SUMF1: variants seen among roughly 807,000 people sequenced by gnomAD.
SUMF1 encodes the protein formylglycine-generating enzyme.
Under a neutral mutation model 47.6 loss-of-function variants are expected in SUMF1, and 48 were observed. The ratio of observed to expected loss-of-function variants is 1.01; its 90% CI spans 0.80 to 1.28. The LOEUF is 1.28. Ranked by LOEUF, SUMF1 falls within the 50% of genes most tolerant of loss-of-function variation. The pLI is 0.00. For synonymous variants in SUMF1, 230 were observed against 192.1 expected, an observed-to-expected ratio of 1.20 and a Z score of -1.63; for missense variants, 571 against 485.4, an observed-to-expected ratio of 1.18 and a Z score of -1.66.
chr3:4,058,916 T>C (rs1445482556), intron 9 of SUMF1, among the ~76,000 whole-genome samples: 1 of 152,122 alleles, frequency 6.6e-6, no homozygotes, highest in Non-Finnish European at 1.5e-5. Context: ...GGAGGCTTTG[T>C]TGGAAACCAA....
intron 3 of SUMF1, among the ~76,000 whole-genome samples, chr3:4,437,914 G>A (rs1212446877): frequency 6.6e-6 from 1 of 151,886 alleles, no homozygotes; most frequent in African/African-American, 2.4e-5. Flanking sequence ...GCTCCAGCCT[G>A]GGCAACAGGG....
At chr3:4,243,544 T>TTG (rs534148706) in intron 8 of SUMF1, among the ~76,000 whole-genome samples, 89 of 152,340 alleles carry the variant, frequency 5.8e-4, no homozygotes, top group African/African-American at 2.0e-3. Context: ...GGGAGCCAGT[T>TTG]GTTCAGTTTC....
intron 8 of SUMF1, among the ~76,000 whole-genome samples, chr3:4,092,650 T>C (rs1692813714): frequency 6.6e-6 from 1 of 152,134 alleles, no homozygotes; most frequent in Non-Finnish European, 1.5e-5. Context: ...ACCAACTACT[T>C]ATAGTATAAA....
intron 3 of SUMF1, among the ~76,000 whole-genome samples, chr3:4,432,930 C>A (rs1702281566): frequency 6.6e-6 from 1 of 152,158 alleles, no homozygotes; most frequent in South Asian, 2.1e-4. Context: ...CCCACCCCAC[C>A]CCTGGGTGAC....
At chr3:4,405,382 G>T (rs533105503) in intron 7 of SUMF1, among the ~76,000 whole-genome samples, 1 of 152,206 alleles carries the variant, frequency 6.6e-6, no homozygotes, top group South Asian at 2.1e-4. Context: ...TTTTTTGTGT[G>T]TATTTTGTTT....
In SUMF1 at chr3:4,049,983, C is replaced by T. The variant is rs141555340; in HGVS notation, c.1191+18586G>A. ...TAGCCAATCTCCTCTCTGACCATCC[C>T]CAGCCAAACTTCTCTCAGCATTCGG... On this transcript the variant is annotated intron_variant and NMD_transcript_variant, in intron 9 of 12. Transcript: ENST00000448413. 2.7e-3 allele frequency among the ~76,000 whole-genome samples: 415 copies of T among 152,118 alleles called. 8 individuals carry two copies. Among genetic ancestry groups the T allele is most frequent in the South Asian group, 0.012 (57 of 4,814 alleles).
intron 8 of SUMF1, among the ~76,000 whole-genome samples, chr3:4,147,772 C>T (rs1437770104): frequency 6.6e-6 from 1 of 152,240 alleles, no homozygotes; most frequent in East Asian, 1.9e-4. Flanking sequence ...CCCTCTTTTC[C>T]TGTATACCTA....
At chr3:4,050,436 A>C (rs1414373838) in intron 9 of SUMF1, among the ~76,000 whole-genome samples, 2 of 151,988 alleles carry the variant, frequency 1.3e-5, no homozygotes, top group Admixed American at 6.6e-5. Flanking sequence ...AGAATTTCAG[A>C]GGGGCTTTGA....
At chr3:4,427,098 G>C (rs1023773281) in intron 3 of SUMF1, among the ~76,000 whole-genome samples, 2 of 152,122 alleles carry the variant, frequency 1.3e-5, no homozygotes, top group African/African-American at 2.4e-5. Flanking sequence ...GCCAGAGGTG[G>C]CAAATTATGC....
intron 9 of SUMF1, among the ~76,000 whole-genome samples, chr3:4,061,910 T>G (rs1331350212): frequency 6.6e-6 from 1 of 151,984 alleles, no homozygotes; most frequent in Non-Finnish European, 1.5e-5. Context: ...ACACTTAAAT[T>G]AACAACGGGT....
At chr3:4,430,750 G>A (rs565099742) in intron 3 of SUMF1, among the ~76,000 whole-genome samples, 22 of 152,212 alleles carry the variant, frequency 1.4e-4, no homozygotes, top group Non-Finnish European at 2.9e-5. Flanking sequence ...GAAGCTCAAT[G>A]AGCTATGGGA....
At chr3:4,136,697 G>C (rs1467050404) in intron 8 of SUMF1, among the ~76,000 whole-genome samples, 1 of 147,834 alleles carries the variant, frequency 6.8e-6, no homozygotes, top group Admixed American at 6.7e-5. Flanking sequence ...CTACAACATG[G>C]GAGAAAATTT....
intron 8 of SUMF1, among the ~76,000 whole-genome samples, chr3:4,136,621 G>T (rs1693938863): frequency 6.6e-6 from 1 of 151,888 alleles, no homozygotes; most frequent in South Asian, 2.1e-4. Context: ...ATTGACAAAT[G>T]GGATCTAATT....
At chr3:4,063,236 C>T (rs1695302904) in intron 9 of SUMF1, among the ~76,000 whole-genome samples, 1 of 152,052 alleles carries the variant, frequency 6.6e-6, no homozygotes, top group South Asian at 2.1e-4. Context: ...TGCCTAACAA[C>T]AGGAGCTATC....
chr3:4,192,076 A>C (rs1409634314), intron 8 of SUMF1, among the ~76,000 whole-genome samples: 2 of 152,108 alleles, frequency 1.3e-5, no homozygotes, highest in Non-Finnish European at 2.9e-5. Flanking sequence ...GCATATGTGA[A>C]AGGCAGGAGG....
chr3:4,270,471 G>T (rs990648169), intron 8 of SUMF1, among the ~76,000 whole-genome samples: 3 of 151,266 alleles, frequency 2.0e-5, no homozygotes, highest in African/African-American at 7.3e-5. Context: ...AAATTCAAAG[G>T]ATACAGGTAA....
intron 1 of SUMF1, among the ~76,000 whole-genome samples, chr3:4,463,872 T>G (rs1371359584): frequency 6.6e-6 from 1 of 152,248 alleles, no homozygotes; most frequent in Non-Finnish European, 1.5e-5. Context: ...TAGGATAATT[T>G]TCTCAATGAG....
intron 8 of SUMF1, among the ~76,000 whole-genome samples, chr3:4,362,838 TG>T (rs1330976572): frequency 6.6e-6 from 1 of 151,988 alleles, no homozygotes; most frequent in Non-Finnish European, 1.5e-5. Flanking sequence ...CTCTTGAGCC[TG>T]GGTGTTTGAG....
intron 8 of SUMF1, among the ~76,000 whole-genome samples, chr3:4,217,513 T>TATATATATATA (rs200461780): frequency 1.4e-5 from 1 of 72,644 alleles, no homozygotes; most frequent in African/African-American, 8.2e-5. Context: ...TAAAGTATTT[T>TATATATATATA]TTATATATAT....
Sources: allele counts gnomAD v4.1 joint callset (sites outside exome capture counted in the v4.1 genomes callset), GRCh38; gene constraint gnomAD v4.1.1; transcripts MANE v1.5; gene names NCBI Gene and HGNC (gene_info 2026-07-23, HGNC 2026-07-21).